The following DGKI variants were observed in gnomAD, a reference collection of about 807,000 sequenced individuals.
DGKI encodes the protein DAG kinase iota.
DGKI carries 55 observed loss-of-function variants against 147.5 expected under a neutral mutation model. The ratio of observed to expected loss-of-function variants is 0.37; its 90% confidence interval spans 0.30 to 0.47. The LOEUF (loss-of-function observed/expected upper bound fraction) is 0.47. Among genes scored for constraint, DGKI ranks in the 20% least tolerant of loss-of-function variants. The pLI is 1.00. For missense variants in DGKI, 1,007 were observed against 1,323.8 expected, an observed-to-expected ratio of 0.76 and a Z score of 3.71; for synonymous variants, 469 against 477.1, an observed-to-expected ratio of 0.98 and a Z score of 0.22.
chr7:137,408,090 C>A, intron 29 of DGKI, 95 bp from the exon 30 acceptor site: 1 of 1,454,028 alleles, frequency 6.9e-7, no homozygotes, highest in Non-Finnish European at 9.4e-7. Context: ...TAGCAGACCA[C>A]AATGTTTCCA....
At chr7:137,807,979 G>A (rs911901089) in intron 1 of DGKI, among the ~76,000 whole-genome samples, 1 of 152,092 alleles carries the variant, frequency 6.6e-6, no homozygotes, top group African/African-American at 2.4e-5. Context: ...GGCAACTCTC[G>A]TCTCTTGGGA....
At chr7:137,572,732 T>C in intron 18 of DGKI, 33 bp downstream of exon 18, 1 of 1,489,182 alleles carries the variant, frequency 6.7e-7, no homozygotes, top group Non-Finnish European at 9.2e-7. Context: ...AGAGTTCACG[T>C]CAAACCAAGG....
At chr7:137,737,592 T>C (rs1795060352) in intron 1 of DGKI, among the ~76,000 whole-genome samples, 1 of 152,044 alleles carries the variant, frequency 6.6e-6, no homozygotes, top group Non-Finnish European at 1.5e-5. Flanking sequence ...CCAGAACCTC[T>C]TACTTGAGCC....
intron 1 of DGKI, among the ~76,000 whole-genome samples, chr7:137,806,919 G>T (rs1585516729): frequency 6.6e-6 from 1 of 152,128 alleles, no homozygotes; most frequent in Non-Finnish European, 1.5e-5. Flanking sequence ...ACCAACCTAC[G>T]TGGCAGAAGA....
intron 21 of DGKI, among the ~76,000 whole-genome samples, chr7:137,500,248 C>T (rs1015846656): frequency 2.0e-5 from 3 of 152,126 alleles, no homozygotes; most frequent in Non-Finnish European, 4.4e-5. Context: ...AACCCTCTTT[C>T]CCTATTTCCT....
intron 32 of DGKI, among the ~76,000 whole-genome samples, chr7:137,394,880 T>C (rs1014869675): frequency 6.6e-6 from 1 of 152,192 alleles, no homozygotes; most frequent in African/African-American, 2.4e-5. Flanking sequence ...AACCTGCTGA[T>C]ACAACACTGG....
chr7:137,682,343 C>T lies in DGKI; in HGVS notation c.511-3691G>A, dbSNP rs539246901. On this transcript the variant is annotated intron_variant, in intron 2 of 32. Transcript: ENST00000614521. ...TATTAATCAATGTGAGCTTTGGAGTCAGACTTATTGCCCAATAGTTGTATG... is the reference window on the plus strand; with the variant it reads ...TATTAATCAATGTGAGCTTTGGAGTTAGACTTATTGCCCAATAGTTGTATG... 3.9e-5 allele frequency among the ~76,000 whole-genome samples: 6 copies of T among 152,228 alleles called. No individual in the cohort carries two copies. The South Asian group carries it at 1.2e-3, about 32-fold the overall frequency.
At chr7:137,471,110 G>C (rs1381183049) in intron 23 of DGKI, among the ~76,000 whole-genome samples, 3 of 152,154 alleles carry the variant, frequency 2.0e-5, no homozygotes, top group Admixed American at 2.0e-4. Flanking sequence ...GGGGAGGGAG[G>C]AGAGCACCTT....
rs951248968 is a variant in DGKI, at chr7:137,391,461, C to T, written c.3058-125G>A. The T allele has an allele frequency of 7.7e-6, 5 of 646,310 alleles. No individual in the cohort carries two copies. In the Admixed American group the frequency reaches 9.0e-5, roughly 12 times the overall value. The allele number at this position is 646,310 out of a possible 1,614,324, so 40.0% of individuals were successfully genotyped here. A position where few individuals can be genotyped will look rare whatever the true frequency, so the allele number is the denominator to read the frequency against. ...CAGAAACAGAACTACGCAAGGATAC[C>T]TGCTAGTAAGGATCCTTTCACATTT... is the stretch of plus-strand genomic sequence containing the variant. On this transcript the variant is annotated intron_variant, in intron 32 of 32. Transcript: ENST00000614521.
chr7:137,832,440 G>A (rs553580810), intron 1 of DGKI, among the ~76,000 whole-genome samples: 134 of 152,364 alleles, frequency 8.8e-4, no homozygotes, highest in Non-Finnish European at 1.5e-3. Context: ...CCATGTGGAA[G>A]TTTCCAAGGA....
chr7:137,764,726 T>G (rs753088224), intron 1 of DGKI, among the ~76,000 whole-genome samples: 1 of 152,212 alleles, frequency 6.6e-6, no homozygotes, highest in Non-Finnish European at 1.5e-5. Context: ...TCACTCTGAA[T>G]GTCCTGGTTT....
At chr7:137,423,276 G>C (rs1398549659) in intron 28 of DGKI, among the ~76,000 whole-genome samples, 1 of 152,214 alleles carries the variant, frequency 6.6e-6, no homozygotes, top group Non-Finnish European at 1.5e-5. Flanking sequence ...GAGAAGCACA[G>C]AGAAAGCTTC....
chr7:137,623,795 A>G (rs1297764824), intron 6 of DGKI, among the ~76,000 whole-genome samples: 2 of 152,180 alleles, frequency 1.3e-5, no homozygotes, highest in Non-Finnish European at 2.9e-5. Flanking sequence ...TATTTCCTAG[A>G]CCACCTACTA....
chr7:137,438,281 T>C (rs2128914593), intron 28 of DGKI, among the ~76,000 whole-genome samples: 1 of 152,198 alleles, frequency 6.6e-6, no homozygotes, highest in East Asian at 1.9e-4. Flanking sequence ...TAAAAAGACC[T>C]TTCATAGAAG....
At chr7:137,796,757 A>G (rs527404191) in intron 1 of DGKI, among the ~76,000 whole-genome samples, 1 of 152,332 alleles carries the variant, frequency 6.6e-6, no homozygotes, top group African/African-American at 2.4e-5. Flanking sequence ...AATTGAGATC[A>G]TCCAGTTTGA....
At chr7:137,453,788 G>T (rs1332014996) in intron 27 of DGKI, among the ~76,000 whole-genome samples, 1 of 152,064 alleles carries the variant, frequency 6.6e-6, no homozygotes, top group African/African-American at 2.4e-5. Context: ...AAATAATAAA[G>T]GCTGCTTGGT....
intron 3 of DGKI, among the ~76,000 whole-genome samples, chr7:137,670,687 C>T (rs1179578729): frequency 6.6e-6 from 1 of 152,152 alleles, no homozygotes; most frequent in Non-Finnish European, 1.5e-5. Flanking sequence ...TGAAAAAGGC[C>T]CCTGGCAGAG....
chr7:137,819,852 T>C (rs1480262845), intron 1 of DGKI, among the ~76,000 whole-genome samples: 4 of 152,210 alleles, frequency 2.6e-5, no homozygotes, highest in African/African-American at 7.2e-5. Context: ...GAATACACCA[T>C]GTTTTTTCAA....
intron 21 of DGKI, among the ~76,000 whole-genome samples, chr7:137,518,728 A>G (rs1435389104): frequency 1.3e-5 from 2 of 152,082 alleles, no homozygotes; most frequent in African/African-American, 4.8e-5. Context: ...GAACAGAGTT[A>G]AATTTGGGGG....
Sources: gnomAD v4.1 joint callset for allele counts (sites outside exome capture counted in the v4.1 genomes callset) on GRCh38, gnomAD v4.1.1 for gene constraint, MANE v1.5 for transcripts, NCBI Gene and HGNC (gene_info 2026-07-23, HGNC 2026-07-21) for gene names.